SLCO5A1: variants seen among roughly 807,000 people sequenced by gnomAD.
SLCO5A1 encodes organic anion transporter polypeptide-related protein 4.
SLCO5A1 carries 39 observed loss-of-function variants against 65.1 expected under a neutral mutation model. The observed-to-expected ratio is 0.60, with a 90% confidence interval of 0.46 to 0.78. The LOEUF (loss-of-function observed/expected upper bound fraction) is 0.78, where lower values mean the gene tolerates loss of function less well. Among genes scored for constraint, SLCO5A1 ranks in the 30% least tolerant of loss-of-function variants. The pLI is 0.00. For synonymous variants in SLCO5A1, 438 were observed against 415.7 expected, an observed-to-expected ratio of 1.05 and a Z score of -0.65; for missense variants, 1,029 against 1,069.4, an observed-to-expected ratio of 0.96 and a Z score of 0.53.
rs1817507780 is a variant in SLCO5A1, at chr8:69,755,575, T to C, written c.1107A>G (p.Pro369=). The change falls in exon 4 of 10, where the codon CCA becomes CCG. Residue 369 remains proline, a synonymous_variant. Coordinates refer to ENST00000260126, the MANE Select transcript of SLCO5A1 (RefSeq NM_030958.3). ...FLVIFPMFTF[P]KKLPPRHKKK... ...TCTTGTGTCGAGGTGGAAGCTTTTT[T>C]GGGAAAGTAAACATTGGGAATATCA... 1.9e-6 allele frequency: 3 copies of C among 1,614,076 alleles called. No homozygotes were observed. The highest frequency in any genetic ancestry group is 1.7e-6 in the Non-Finnish European group (2 of 1,179,994).
chr8:69,734,129 A>G (rs1162243008), intron 5 of SLCO5A1, among the ~76,000 whole-genome samples: 2 of 152,148 alleles, frequency 1.3e-5, no homozygotes, highest in Non-Finnish European at 2.9e-5. Context: ...CCCGCCAGGC[A>G]CAAGTGTCCT....
intron 3 of SLCO5A1, among the ~76,000 whole-genome samples, chr8:69,757,073 A>C (rs1252774419): frequency 6.6e-6 from 1 of 152,262 alleles, no homozygotes; most frequent in Non-Finnish European, 1.5e-5. Context: ...TTTTTAAAAT[A>C]ATGTTTCTAT....
chr8:69,780,021 T>C (rs1273524966), intron 2 of SLCO5A1, among the ~76,000 whole-genome samples: 1 of 151,630 alleles, frequency 6.6e-6, no homozygotes, highest in East Asian at 1.9e-4. Context: ...ACAGAAGGCA[T>C]ATAAATGGCC....
chr8:69,718,164 T>C (rs991814200), intron 5 of SLCO5A1, among the ~76,000 whole-genome samples: 3 of 152,200 alleles, frequency 2.0e-5, no homozygotes, highest in Non-Finnish European at 4.4e-5. Flanking sequence ...GTAAATGAAA[T>C]TGTTTCCTTA....
At chr8:69,826,763 G>C (rs1586842156) in intron 2 of SLCO5A1, among the ~76,000 whole-genome samples, 1 of 152,242 alleles carries the variant, frequency 6.6e-6, no homozygotes, top group Middle Eastern at 3.4e-3. Context: ...TCTAGAACTA[G>C]AAATACCATT....
At chr8:69,677,225 T>C (rs1456768943) in intron 8 of SLCO5A1, among the ~76,000 whole-genome samples, 2 of 152,172 alleles carry the variant, frequency 1.3e-5, no homozygotes, top group Non-Finnish European at 2.9e-5. Context: ...CAACCACATC[T>C]TTTTTTCTTT....
At chr8:69,718,156 A>T (rs554669549) in intron 5 of SLCO5A1, among the ~76,000 whole-genome samples, 14 of 152,350 alleles carry the variant, frequency 9.2e-5, no homozygotes, top group Middle Eastern at 3.4e-3. Flanking sequence ...ATGCTAATGT[A>T]AATGAAATTG....
At chr8:69,787,376 G>A (rs1819077458) in intron 2 of SLCO5A1, among the ~76,000 whole-genome samples, 3 of 152,202 alleles carry the variant, frequency 2.0e-5, no homozygotes, top group Admixed American at 2.0e-4. Flanking sequence ...TTTGCAGACA[G>A]CCCTAGTTAT....
rs113757987 is a variant in SLCO5A1 at position 69,707,111 on chromosome 8, C to T, written c.1424-1882G>A. Among the ~76,000 whole-genome samples the T allele has an allele frequency of 3.2e-3, 489 of 152,230 alleles. 1 individual carries two copies. Among genetic ancestry groups the T allele is most frequent in the African/African-American group, 0.011 (473 of 41,536 alleles). ...AGGTTGCAGTAAGCCAAGATCGTGC[C>T]GCTGCACTCCAGCCTGGTTGACAGA... On this transcript the variant is annotated intron_variant, in intron 5 of 9. Coordinates refer to ENST00000260126, the MANE Select transcript of SLCO5A1 (RefSeq NM_030958.3).
At chr8:69,699,054 T>C (rs903937039) in intron 6 of SLCO5A1, among the ~76,000 whole-genome samples, 1 of 152,138 alleles carries the variant, frequency 6.6e-6, no homozygotes, top group Non-Finnish European at 1.5e-5. Context: ...ATGGACATGA[T>C]CAAGGCAAGT....
In SLCO5A1 at chr8:69,802,488, C is replaced by T. The variant is rs895397077; in HGVS notation, c.907+29279G>A. Among the ~76,000 whole-genome samples, 5 of 144,070 alleles carry T rather than the reference C, an allele frequency of 3.5e-5. No individual in the cohort carries two copies. In the South Asian group the frequency reaches 1.1e-3, roughly 32 times the overall value. 94.5% of individuals were successfully genotyped at this position (144,070 alleles called of 152,430 possible). ...ACTTAAGCTTGCTCTGTAGCCTGAG[C>T]AACAGAGCAAGACCCTATTTCAAAA... On this transcript the variant is annotated intron_variant, in intron 2 of 9. Transcript: ENST00000260126.
chr8:69,703,863 T>C (rs1280335305), intron 6 of SLCO5A1, among the ~76,000 whole-genome samples: 2 of 152,238 alleles, frequency 1.3e-5, no homozygotes, highest in Non-Finnish European at 2.9e-5. Flanking sequence ...CATCATCTTC[T>C]AATTATTTTA....
chr8:69,695,099 A>G (rs906980864), intron 6 of SLCO5A1, among the ~76,000 whole-genome samples: 1 of 152,240 alleles, frequency 6.6e-6, no homozygotes, highest in African/African-American at 2.4e-5. Context: ...TTTTTTCAGC[A>G]TATACAAAGT....
chr8:69,705,664 A>G (rs1814938046), intron 5 of SLCO5A1, among the ~76,000 whole-genome samples: 1 of 152,258 alleles, frequency 6.6e-6, no homozygotes, highest in South Asian at 2.1e-4. Flanking sequence ...CATTCTATGC[A>G]TGTCACAACA....
chr8:69,772,932 G>T (rs991090208), intron 2 of SLCO5A1: 6 of 985,242 alleles, frequency 6.1e-6, no homozygotes, highest in Admixed American at 6.2e-5. Context: ...ATGATCCAAG[G>T]TTCAGTGAGT....
intron 2 of SLCO5A1, among the ~76,000 whole-genome samples, chr8:69,786,633 AT>A (rs1415435419): frequency 6.6e-6 from 1 of 152,160 alleles, no homozygotes; most frequent in Non-Finnish European, 1.5e-5. Flanking sequence ...TCTTTTCATG[AT>A]TTGGCAAATG....
At chr8:69,756,043 T>G (rs181046509) in intron 3 of SLCO5A1, among the ~76,000 whole-genome samples, 10 of 152,340 alleles carry the variant, frequency 6.6e-5, no homozygotes, top group South Asian at 4.1e-4. Flanking sequence ...AGACTTTTTT[T>G]TGTCATAAGA....
At chr8:69,809,376 T>C (rs1820130435) in intron 2 of SLCO5A1, among the ~76,000 whole-genome samples, 1 of 152,174 alleles carries the variant, frequency 6.6e-6, no homozygotes, top group Non-Finnish European at 1.5e-5. Flanking sequence ...TGAAAAGATA[T>C]CATCACTGAA....
chr8:69,757,914 A>G (rs1057409908), intron 3 of SLCO5A1, among the ~76,000 whole-genome samples: 1 of 152,160 alleles, frequency 6.6e-6, no homozygotes, highest in East Asian at 1.9e-4. Context: ...AGTGTAGTGT[A>G]GGGGACAACT....
Sources: gnomAD v4.1 joint callset for allele counts (sites outside exome capture counted in the v4.1 genomes callset) on GRCh38, gnomAD v4.1.1 for gene constraint, MANE v1.5 for transcripts, NCBI Gene and HGNC (gene_info 2026-07-23, HGNC 2026-07-21) for gene names.